RB1CC1: variants seen among roughly 807,000 people sequenced by gnomAD.
RB1CC1 encodes the protein RB1-inducible coiled-coil protein 1.
RB1CC1 carries 46 observed loss-of-function variants against 177.5 expected under a neutral mutation model. That is an observed-to-expected ratio of 0.26 (90% confidence interval 0.20 to 0.33). The LOEUF is 0.33. Ranked by LOEUF, RB1CC1 falls within the 10% of genes least tolerant of loss-of-function variation. The pLI is 1.00. For synonymous variants in RB1CC1, 666 were observed against 613.6 expected, an observed-to-expected ratio of 1.09 and a Z score of -1.26; for missense variants, 1,703 against 1,816.3, an observed-to-expected ratio of 0.94 and a Z score of 1.13.
chr8:52,701,794 A>G (rs1404573779), intron 1 of RB1CC1, among the ~76,000 whole-genome samples: 1 of 145,152 alleles, frequency 6.9e-6, no homozygotes, highest in African/African-American at 2.7e-5. Context: ...TCTTCTTTGA[A>G]AAAAAAAAAA....
intron 9 of RB1CC1, 46 bp downstream of exon 9, chr8:52,661,489 A>C: frequency 6.6e-7 from 1 of 1,513,232 alleles, no homozygotes; most frequent in Non-Finnish European, 8.9e-7. Flanking sequence ...ATAAATATAA[A>C]TACCAATTCT....
At position 52,661,621 on chromosome 8, in the gene RB1CC1, C is replaced by T. The variant is rs751093284; in HGVS notation, c.1272G>A (p.Leu424=). 2.5e-6 allele frequency: 4 copies of T among 1,612,416 alleles called. No homozygotes were observed. Among genetic ancestry groups the T allele is most frequent in the South Asian group, 2.2e-5 (2 of 90,946 alleles). The change falls in exon 9 of 24, where the codon TTG becomes TTA. Residue 424 remains leucine (L), a synonymous_variant. Coordinates refer to ENST00000025008, the MANE Select transcript of RB1CC1 (RefSeq NM_014781.5). ...LSHANQLMIM[L]QNHRKLLDIK... ...TATCTAACAGTTTTCTATGATTTTG[C>T]AACATAATCATCAACTGATTTGCGT...
intron 5 of RB1CC1, among the ~76,000 whole-genome samples, chr8:52,679,208 T>TAGCTACAAAGATAAGAA (rs1853460893): frequency 1.3e-5 from 2 of 152,212 alleles, no homozygotes; most frequent in South Asian, 4.1e-4. Context: ...CTAAATAAGA[T>TAGCTACAAAGATAAGAA]AGCTACAAAG....
intron 1 of RB1CC1, among the ~76,000 whole-genome samples, chr8:52,706,361 CT>C (rs71252955): frequency 0.62 from 86,246 of 138,266 alleles, 27,274 homozygotes; most frequent in East Asian, 0.82. Context: ...CAACTGTTAT[CT>C]TTTTTTTTTT....
chr8:52,637,170 C>A (rs1849209393), intron 18 of RB1CC1, among the ~76,000 whole-genome samples: 1 of 152,140 alleles, frequency 6.6e-6, no homozygotes, highest in Non-Finnish European at 1.5e-5. Context: ...TTGGGGAGGG[C>A]TACCATCTTA....
chr8:52,634,664 C>T (rs538373932), intron 20 of RB1CC1, among the ~76,000 whole-genome samples: 33 of 152,238 alleles, frequency 2.2e-4, no homozygotes, highest in African/African-American at 5.5e-4. Flanking sequence ...ACTGGTCAGA[C>T]CTACAGCCGT....
At chr8:52,679,647 T>C (rs527826333) in intron 5 of RB1CC1, among the ~76,000 whole-genome samples, 1 of 152,328 alleles carries the variant, frequency 6.6e-6, no homozygotes, top group South Asian at 2.1e-4. Flanking sequence ...AAGCTATGTC[T>C]TGGGTGTGTC....
intron 1 of RB1CC1, among the ~76,000 whole-genome samples, chr8:52,691,857 G>A (rs924339357): frequency 1.3e-5 from 2 of 152,080 alleles, no homozygotes; most frequent in African/African-American, 4.8e-5. Flanking sequence ...TTGCTTTCAC[G>A]GCCACAAATG....
At chr8:52,705,939 A>T (rs1156569632) in intron 1 of RB1CC1, among the ~76,000 whole-genome samples, 1 of 152,236 alleles carries the variant, frequency 6.6e-6, no homozygotes, top group Non-Finnish European at 1.5e-5. Context: ...AGCAATTTAC[A>T]GTATATATTA....
chr8:52,685,477 T>C lies in RB1CC1; in HGVS notation c.-8A>G. On this transcript the variant is annotated 5_prime_UTR_variant, in exon 3 of 24. It adds an upstream start codon to the 5' untranslated region. Transcript: ENST00000025008. ...AAATACATATAACTTCATGATGATTTATCTGAATTCTGTGAGCTTATACCT... is the reference window on the plus strand; with the variant it reads ...AAATACATATAACTTCATGATGATTCATCTGAATTCTGTGAGCTTATACCT... 6.4e-7 allele frequency: 1 copy of C among 1,561,100 alleles called. No individual in the cohort carries two copies. Among genetic ancestry groups the C allele is most frequent in the Non-Finnish European group, 8.8e-7 (1 of 1,137,102 alleles).
Position 52,657,562 on chromosome 8 carries a change from C to T in RB1CC1, c.2267G>A (p.Ser756Asn). The change falls in exon 15 of 24, where the codon AGC becomes AAC. Residue 756 changes from serine (S) to asparagine (N), a missense_variant. Transcript: ENST00000025008. ...AAGTGATTCCACCATCATTTCTGGG[C>T]TTTGTGGATCACTTATAGGATTAGG... is the stretch of plus-strand genomic sequence containing the variant. ...SSPNPISDPQSPEMMVESLYS... is the reference protein window; with the variant it reads ...SSPNPISDPQNPEMMVESLYS... The T allele has an allele frequency of 6.2e-7, 1 of 1,613,966 alleles. No individual in the cohort carries two copies. The highest frequency in any genetic ancestry group is 8.5e-7 in the Non-Finnish European group (1 of 1,179,982).
chr8:52,624,288 T>C (rs1848232755), intron 23 of RB1CC1, among the ~76,000 whole-genome samples: 1 of 152,014 alleles, frequency 6.6e-6, no homozygotes, highest in Non-Finnish European at 1.5e-5. Flanking sequence ...AGAGCACTGA[T>C]ATTGTTATAC....
intron 14 of RB1CC1, 21 bp from the exon 15 acceptor site, chr8:52,657,929 C>T: frequency 6.2e-7 from 1 of 1,612,490 alleles, no homozygotes; most frequent in Non-Finnish European, 8.5e-7. Flanking sequence ...GAAAGAAAGG[C>T]TTAAAGAGCT....
intron 1 of RB1CC1, among the ~76,000 whole-genome samples, chr8:52,697,832 T>C (rs1855583060): frequency 6.6e-6 from 1 of 152,228 alleles, no homozygotes; most frequent in Non-Finnish European, 1.5e-5. Context: ...ATAATTATGA[T>C]GTTTCTGGAA....
Position 52,642,744 on chromosome 8 carries a change from A to T in RB1CC1, c.4056T>A (p.Asp1352Glu), listed in dbSNP as rs781710338. The change falls in exon 17 of 24, where the codon GAT (aspartate) becomes GAA (glutamate). Residue 1352 changes from aspartate (D) to glutamate (E), a missense_variant. Physicochemically the swap from Asp to Glu is conservative, Grantham distance 45. Around this residue, in one of 6 missense-constraint regions of RB1CC1, gnomAD observed 1,169 missense variants for 1,184.7 expected, o/e 0.99. Transcript: ENST00000025008. ...GTTGCTGCATTGTACTTTTCAACTT[A>T]TCACTAAGATCATTTATTATGTTTT... Reference protein sequence around the residue: ...RKENIINDLSDKLKSTMQQQE... With the variant: ...RKENIINDLSEKLKSTMQQQE... 1.3e-6 allele frequency: 2 copies of T among 1,583,064 alleles called. No homozygotes were observed. The highest frequency in any genetic ancestry group is 1.7e-6 in the Non-Finnish European group (2 of 1,171,332).
At chr8:52,645,931 T>C (rs1047815762) in intron 15 of RB1CC1, 64 bp from the exon 16 acceptor site, 2 of 1,454,820 alleles carry the variant, frequency 1.4e-6, no homozygotes, top group Non-Finnish European at 1.9e-6. Context: ...ATACCAAATA[T>C]CATATTTGGG....
At position 52,668,191 on chromosome 8, in the gene RB1CC1, G is replaced by C; in HGVS notation, c.1003C>G (p.Leu335Val). Residue 335 changes from leucine (L) to valine (V), a missense_variant and splice_region_variant, in exon 8 of 24, where the codon CTT becomes GTT. By Grantham distance (32) the Leu-to-Val change is conservative. Around this residue, in one of 6 missense-constraint regions of RB1CC1, gnomAD observed 315 missense variants for 304.9 expected, o/e 1.03. Coordinates refer to ENST00000025008, the MANE Select transcript of RB1CC1 (RefSeq NM_014781.5). ...AATGGTCGAATAATCCTTGGATCAA[G>C]CTAAATGACAAGGAAACACATACGA... ...VRKCFDSMSR[L>V]DPRIIRPFIA... 1 of 1,612,668 alleles carries C rather than the reference G, an allele frequency of 6.2e-7. No homozygotes were observed. The highest frequency in any genetic ancestry group is 8.5e-7 in the Non-Finnish European group (1 of 1,179,642).
intron 15 of RB1CC1, among the ~76,000 whole-genome samples, chr8:52,654,545 G>A (rs2150464652): frequency 6.6e-6 from 1 of 152,294 alleles, no homozygotes; most frequent in East Asian, 1.9e-4. Context: ...GCTTCCCAGT[G>A]AGCCATGGAG....
At chr8:52,684,125 C>G (rs990180985) in intron 3 of RB1CC1, 112 bp from the exon 4 acceptor site, 36 of 1,232,634 alleles carry the variant, frequency 2.9e-5, no homozygotes, top group Non-Finnish European at 3.5e-5. Context: ...CACTCTAAAA[C>G]CTTCCCCAAA....
Sources: gnomAD v4.1 joint callset for allele counts (sites outside exome capture counted in the v4.1 genomes callset) on GRCh38, gnomAD v4.1.1 for gene constraint, gnomAD v4.1.1 regional missense constraint, MANE v1.5 for transcripts, NCBI Gene and HGNC (gene_info 2026-07-23, HGNC 2026-07-21) for gene names.